GLS: variants seen among roughly 807,000 people sequenced by gnomAD.
GLS encodes glutaminase, also known as glutaminase kidney isoform, mitochondrial.
GLS carries 36 observed loss-of-function variants against 86.7 expected under a neutral mutation model. The ratio of observed to expected loss-of-function variants is 0.42; its 90% CI spans 0.32 to 0.55. The LOEUF is 0.55. Ranked by LOEUF, GLS falls within the 20% of genes least tolerant of loss-of-function variation. The pLI is 0.17. For missense variants in GLS, 528 were observed against 833.4 expected (o/e 0.63, Z 4.51); for synonymous variants, 317 against 305.9 (o/e 1.04, Z -0.38).
chr2:190,903,399 G>A (rs1209062504), intron 5 of GLS, among the ~76,000 whole-genome samples: 1 of 152,060 alleles, frequency 6.6e-6, no homozygotes, highest in Non-Finnish European at 1.5e-5. Context: ...CCTCATTTGG[G>A]TCAGTAAAAT....
At position 190,935,005 on chromosome 2, in the gene GLS, GT is replaced by G; in HGVS notation, c.1650+3371del. ...TCTTGATAGTACCCACTATTATTGG[GT>G]TTGTTTTATGCCATTATTGATTCTT... On this transcript the variant is annotated intron_variant, in intron 14 of 17. Coordinates refer to ENST00000320717, the MANE Select transcript of GLS (RefSeq NM_014905.5). The surrounding 1 kb of genome is among the most constrained non-coding windows in gnomAD (Gnocchi z 4.2). 3.1e-6 allele frequency: 3 copies of G among 953,676 alleles called. No individual in the cohort carries two copies. The highest frequency in any genetic ancestry group is 3.7e-6 in the Non-Finnish European group (3 of 801,228). The allele number at this position is 953,676 out of a possible 1,614,324, so 59.1% of individuals were successfully genotyped here. A position where few individuals can be genotyped will look rare whatever the true frequency, so the allele number is the denominator to read the frequency against.
At chr2:190,888,644 C>T (rs1307848752) in intron 1 of GLS, among the ~76,000 whole-genome samples, 1 of 152,156 alleles carries the variant, frequency 6.6e-6, no homozygotes, top group East Asian at 1.9e-4. Flanking sequence ...TCCAATAAAA[C>T]TTTATTTACA....
At chr2:190,917,747 G>A (rs765628508) in intron 7 of GLS, among the ~76,000 whole-genome samples, 2 of 152,022 alleles carry the variant, frequency 1.3e-5, no homozygotes, top group Non-Finnish European at 2.9e-5. Context: ...AGAACTCTTG[G>A]GTGACTGGTG....
At chr2:190,910,671 A>G (rs1324913151) in intron 7 of GLS, among the ~76,000 whole-genome samples, 1 of 151,328 alleles carries the variant, frequency 6.6e-6, no homozygotes, top group Non-Finnish European at 1.5e-5. Context: ...TTCCAGAATG[A>G]ACAGTTATAA....
chr2:190,917,954 G>A (rs1414551791), intron 7 of GLS, among the ~76,000 whole-genome samples: 1 of 152,048 alleles, frequency 6.6e-6, no homozygotes, highest in Non-Finnish European at 1.5e-5. Context: ...TGAGCCGTAG[G>A]TTTCAACAGT....
chr2:190,940,046 A>G (rs1472580521), intron 14 of GLS, among the ~76,000 whole-genome samples: 2 of 151,846 alleles, frequency 1.3e-5, no homozygotes, highest in Non-Finnish European at 3.0e-5. Flanking sequence ...AAATCTTTTG[A>G]TGTTGACATT....
intron 1 of GLS, among the ~76,000 whole-genome samples, chr2:190,890,426 G>A (rs1477882339): frequency 6.6e-6 from 1 of 152,148 alleles, no homozygotes; most frequent in African/African-American, 2.4e-5. Context: ...ATGATAGAAA[G>A]TGAGAGTCCT....
intron 6 of GLS, among the ~76,000 whole-genome samples, chr2:190,906,367 A>G (rs1689135790): frequency 6.6e-6 from 1 of 152,158 alleles, no homozygotes; most frequent in Non-Finnish European, 1.5e-5. Context: ...AGTAATTTGA[A>G]TGTTTAGAGG....
chr2:190,932,921 T>C (rs560673295), intron 14 of GLS: 2 of 1,375,980 alleles, frequency 1.5e-6, no homozygotes, highest in East Asian at 2.7e-5. Context: ...ATCTTTAGCT[T>C]TTTTTTGCAA....
Position 190,930,627 on chromosome 2 carries a change from T to G in GLS, c.1557+59T>G. 6.8e-7 allele frequency: 1 copy of G among 1,466,768 alleles called. No individual in the cohort carries two copies. Among genetic ancestry groups the G allele is most frequent in the Middle Eastern group, 1.8e-4 (1 of 5,460 alleles). 90.9% of individuals were successfully genotyped at this position (1,466,768 alleles called of 1,614,324 possible). ...TACAAGTTGAGCCATCCAATGATTC[T>G]TTTTTTTAACCCATTTTCCATAGTT... On this transcript the variant is annotated intron_variant, in intron 13 of 17. Transcript: ENST00000320717. This position sits in a 1 kb window ranked among gnomAD's most constrained non-coding sequence, Gnocchi z 5.0.
chr2:190,904,080 G>C (rs16833040), intron 5 of GLS, among the ~76,000 whole-genome samples: 2,230 of 151,692 alleles, frequency 0.015, 57 homozygotes, highest in African/African-American at 0.05. Flanking sequence ...TTATTTATCT[G>C]CATGGTAATG....
At chr2:190,958,258 A>C (rs994567819) in intron 17 of GLS, among the ~76,000 whole-genome samples, 1 of 152,096 alleles carries the variant, frequency 6.6e-6, no homozygotes, top group African/African-American at 2.4e-5. Context: ...GGTAGTTTGT[A>C]TTTCTGTGGG....
At chr2:190,909,065 CTAATT>C (rs995079875) in intron 6 of GLS, among the ~76,000 whole-genome samples, 1 of 152,174 alleles carries the variant, frequency 6.6e-6, no homozygotes, top group African/African-American at 2.4e-5. Flanking sequence ...CTAATTTAAA[CTAATT>C]TAAACTAATT....
At chr2:190,892,754 A>G (rs960164285) in intron 1 of GLS, among the ~76,000 whole-genome samples, 1 of 152,164 alleles carries the variant, frequency 6.6e-6, no homozygotes, top group Non-Finnish European at 1.5e-5. Context: ...AAATGCTGAA[A>G]TAGGTAGTAA....
intron 1 of GLS, among the ~76,000 whole-genome samples, chr2:190,892,094 T>A (rs1217836119): frequency 3.9e-5 from 6 of 152,070 alleles, no homozygotes; most frequent in African/African-American, 1.2e-4. Context: ...GTCTCCTACT[T>A]CTTCTAGACT....
chr2:190,934,005 A>T (rs187791426), intron 14 of GLS: 394 of 959,902 alleles, frequency 4.1e-4, no homozygotes, highest in Non-Finnish European at 4.5e-4. Flanking sequence ...GTAATTATTC[A>T]TAGTATTTAT....
chr2:190,882,253 CAG>C lies in GLS; in HGVS notation c.386+784_386+785del, dbSNP rs1364735223. ...TGAAATGTGACGTAATACACTAACT[CAG>C]TGAAAAATCTGAGTTGAGTAGGTTT... On this transcript the variant is annotated intron_variant, in intron 1 of 17. Coordinates refer to ENST00000320717, the MANE Select transcript of GLS (RefSeq NM_014905.5). Among the ~76,000 whole-genome samples the C allele has an allele frequency of 4.6e-5, 7 of 152,298 alleles. No homozygotes were observed. The East Asian group carries it at 1.4e-3, about 29-fold the overall frequency.
chr2:190,934,291 T>G, intron 14 of GLS: 1 of 962,416 alleles, frequency 1.0e-6, no homozygotes, highest in African/African-American at 1.8e-5. Context: ...ATAGAAAATC[T>G]TGATCATAAT....
At chr2:190,894,062 G>T (rs1688650384) in intron 1 of GLS, among the ~76,000 whole-genome samples, 1 of 152,106 alleles carries the variant, frequency 6.6e-6, no homozygotes, top group Non-Finnish European at 1.5e-5. Flanking sequence ...CACTAGTTTA[G>T]TTAATTAAGA....
Sources: allele counts gnomAD v4.1 joint callset (sites outside exome capture counted in the v4.1 genomes callset), GRCh38; gene constraint gnomAD v4.1.1; non-coding constraint Gnocchi (gnomAD v3.1); transcripts MANE v1.5; gene names NCBI Gene and HGNC (gene_info 2026-07-23, HGNC 2026-07-21).